The following SLC17A9 variants were observed in gnomAD, a reference collection of about 807,000 sequenced individuals.
The protein encoded by SLC17A9 is solute carrier family 17 member 9, also known as voltage-gated purine nucleotide uniporter SLC17A9.
SLC17A9 carries 49 observed loss-of-function variants against 55.0 expected under a neutral mutation model. The observed-to-expected ratio is 0.89, with a 90% CI of 0.71 to 1.13. The LOEUF (loss-of-function observed/expected upper bound fraction) is 1.13, where lower values mean the gene tolerates loss of function less well. Ranked by LOEUF, SLC17A9 falls within the 50% of genes most tolerant of loss-of-function variation. SLC17A9 has a pLI of 0.00. For synonymous variants in SLC17A9, 256 were observed against 247.4 expected, an observed-to-expected ratio of 1.03 and a Z score of -0.32; for missense variants, 526 against 569.3, an observed-to-expected ratio of 0.92 and a Z score of 0.77.
chr20:62,954,728 T>C (rs893127201), intron 1 of SLC17A9, among the ~76,000 whole-genome samples: 3 of 152,222 alleles, frequency 2.0e-5, no homozygotes, highest in Non-Finnish European at 4.4e-5. Flanking sequence ...CAGCACCACC[T>C]GCCCAGCTCA....
intron 1 of SLC17A9, chr20:62,953,275 A>G: frequency 6.5e-7 from 1 of 1,549,534 alleles, no homozygotes. Flanking sequence ...GAGGCCAGGT[A>G]GGGGGCACGG....
rs2065643197 is a variant in SLC17A9, at chr20:62,966,686, C to T, written c.1118-17C>T. ...TGCTGACCATCCATATTCTCTCTCG[C>T]TCTGGCCTCTTCACAGGTGTGGCCA... On this transcript the variant is annotated splice_polypyrimidine_tract_variant and intron_variant, in intron 11 of 12. Coordinates refer to ENST00000370351, the MANE Select transcript of SLC17A9 (RefSeq NM_022082.4). The T allele has an allele frequency of 6.2e-7, 1 of 1,613,918 alleles. No individual in the cohort carries two copies. Among genetic ancestry groups the T allele is most frequent in the Non-Finnish European group, 8.5e-7 (1 of 1,179,938 alleles).
At position 62,963,681 on chromosome 20, in the gene SLC17A9, G is replaced by C; in HGVS notation, c.822+1G>C. 5.0e-6 allele frequency: 8 copies of C among 1,584,750 alleles called. No homozygotes were observed. The highest frequency in any genetic ancestry group is 6.9e-6 in the Non-Finnish European group (8 of 1,165,470). ...CGAGGAGACCTTCCCCGACGCCAAG[G>C]TGAGTCGGGGGCTCCCGCAGGGTGA... On this transcript the variant is annotated splice_donor_variant, in intron 7 of 12. Coordinates refer to ENST00000370351, the MANE Select transcript of SLC17A9 (RefSeq NM_022082.4). LOFTEE classifies it high-confidence loss of function.
At chr20:62,953,055 T>C in intron 1 of SLC17A9, 166 bp downstream of exon 1, 1 of 1,177,250 alleles carries the variant, frequency 8.5e-7, no homozygotes, top group Non-Finnish European at 1.2e-6. Context: ...TGGAAGGAAG[T>C]GAGTGCCCTG....
intron 10 of SLC17A9, 60 bp downstream of exon 10, chr20:62,965,785 A>C (rs2065632888): frequency 6.7e-7 from 1 of 1,485,160 alleles, no homozygotes; most frequent in Admixed American, 1.7e-5. Context: ...CGAGGCCCGC[A>C]CATGTGAAGA....
intron 8 of SLC17A9, 25 bp downstream of exon 8, chr20:62,964,340 G>A: frequency 1.2e-6 from 2 of 1,612,100 alleles, no homozygotes; most frequent in Non-Finnish European, 1.7e-6. Context: ...GGGGACCGGG[G>A]CTGGAAGCCA....
intron 3 of SLC17A9, among the ~76,000 whole-genome samples, chr20:62,959,078 CG>C (rs1024861302): frequency 3.3e-5 from 5 of 152,036 alleles, no homozygotes; most frequent in African/African-American, 7.3e-5. Context: ...ACAGGCCTGG[CG>C]GGGGGTGGGG....
In SLC17A9 at chr20:62,969,284, A is replaced by G. The variant is rs1464492782; in HGVS notation, c.*1784A>G. On this transcript the variant is annotated 3_prime_UTR_variant, in exon 13 of 13. Coordinates refer to ENST00000370351, the MANE Select transcript of SLC17A9 (RefSeq NM_022082.4). ...TGCACGGTTCTGTGGCATTAGGTAC[A>G]TTCGCATTGTGCAGCCACCGCCACC... 1 of 152,200 alleles carries G rather than the reference A, an allele frequency of 6.6e-6. No individual in the cohort carries two copies. Among genetic ancestry groups the G allele is most frequent in the African/African-American group, 2.4e-5 (1 of 41,438 alleles). The allele number at this position is 152,200 out of a possible 1,614,324, so 9.4% of individuals were successfully genotyped here. A position where few individuals can be genotyped will look rare whatever the true frequency, so the allele number is the denominator to read the frequency against.
intron 4 of SLC17A9, among the ~76,000 whole-genome samples, chr20:62,961,579 G>T (rs1490025850): frequency 6.6e-6 from 1 of 152,198 alleles, no homozygotes; most frequent in East Asian, 1.9e-4. Context: ...CTGGGCTCAG[G>T]CCCTCGTGTT....
chr20:62,966,982 C>G (rs1247576868), intron 12 of SLC17A9: 4 of 588,758 alleles, frequency 6.8e-6, no homozygotes, highest in Admixed American at 6.7e-5. Context: ...CCTGGTAGCC[C>G]AGGGTCCCCG....
intron 1 of SLC17A9, 40 bp from the exon 2 acceptor site, chr20:62,956,725 G>A (rs779756270): frequency 3.8e-5 from 60 of 1,572,842 alleles, no homozygotes; most frequent in Non-Finnish European, 4.6e-5. Flanking sequence ...CAGCAGGGCC[G>A]TGGGGCCTCC....
At chr20:62,967,183 G>A in intron 12 of SLC17A9, 154 bp from the exon 13 acceptor site, 1 of 885,164 alleles carries the variant, frequency 1.1e-6, no homozygotes, top group Non-Finnish European at 1.8e-6. Context: ...CTGACCCACA[G>A]CTGGGACACT....
Position 62,967,552 on chromosome 20 carries a change from A to G in SLC17A9, c.*52A>G, listed in dbSNP as rs749623655. On this transcript the variant is annotated 3_prime_UTR_variant, in exon 13 of 13. Coordinates refer to ENST00000370351, the MANE Select transcript of SLC17A9 (RefSeq NM_022082.4). The stretch of plus-strand genomic sequence containing the variant: ...ACCCAGGCGCCAGCAGCCCCAGGAC[A>G]CAGGGGACTCAGTGTGTGGGACTTG... The G allele has an allele frequency of 1.9e-6, 3 of 1,579,420 alleles. No individual in the cohort carries two copies. Among genetic ancestry groups the G allele is most frequent in the African/African-American group, 1.4e-5 (1 of 73,892 alleles).
chr20:62,957,314 G>C, intron 2 of SLC17A9, 127 bp from the exon 3 acceptor site: 1 of 1,489,564 alleles, frequency 6.7e-7, no homozygotes, highest in East Asian at 2.3e-5. Flanking sequence ...GGGGTCATGA[G>C]CAGGCCCTGT....
chr20:62,966,095 G>A (rs1165692247), intron 10 of SLC17A9, among the ~76,000 whole-genome samples: 1 of 101,552 alleles, frequency 9.8e-6, no homozygotes, highest in African/African-American at 3.9e-5. Context: ...GTGGTGTGCA[G>A]GGCTGCAGTG....
Position 62,962,655 on chromosome 20 carries a change from C to T in SLC17A9, c.529C>T (p.Leu177Phe). ...GCTGACCGGGGCGGTGGGCTCCCTGCTCCTGGAATGGTACGGCTGGCAGAG... is the reference window on the plus strand; with the variant it reads ...GCTGACCGGGGCGGTGGGCTCCCTGTTCCTGGAATGGTACGGCTGGCAGAG... The part of the protein sequence containing the change: ...TLLTGAVGSL[L>F]LEWYGWQSIF... Residue 177 changes from leucine to phenylalanine, a missense_variant, in exon 5 of 13, where the codon CTC (leucine) becomes TTC (phenylalanine). By Grantham distance (22) the Leu-to-Phe change is conservative. Transcript: ENST00000370351. The surrounding 1 kb of genome is among the most constrained non-coding windows in gnomAD (Gnocchi z 5.5). 4 of 1,614,080 alleles carry T rather than the reference C, an allele frequency of 2.5e-6. No homozygotes were observed. The highest frequency in any genetic ancestry group is 3.4e-6 in the Non-Finnish European group (4 of 1,179,950).
At position 62,962,767 on chromosome 20, in the gene SLC17A9, G is replaced by C; in HGVS notation, c.628+13G>C. 1.2e-6 allele frequency: 2 copies of C among 1,613,010 alleles called. No individual in the cohort carries two copies. The highest frequency in any genetic ancestry group is 8.5e-7 in the Non-Finnish European group (1 of 1,179,414). On this transcript the variant is annotated intron_variant, in intron 5 of 12. Coordinates refer to ENST00000370351, the MANE Select transcript of SLC17A9 (RefSeq NM_022082.4). This position sits in a 1 kb window ranked among gnomAD's most constrained non-coding sequence, Gnocchi z 5.5. ...CTGAGTGAAAAAGGTAACGCAGGCC[G>C]GGCGGGCTAGTCCCGGGCGCCCACA... is the stretch of plus-strand genomic sequence containing the variant.
Position 62,965,680 on chromosome 20 carries a change from T to C in SLC17A9, c.1016T>C (p.Val339Ala), listed in dbSNP as rs1439894951. Residue 339 changes from valine to alanine, a missense_variant, in exon 10 of 13, where the codon GTG (valine) becomes GCG (alanine). Physicochemically the swap from Val to Ala is moderately conservative, Grantham distance 64. Coordinates refer to ENST00000370351, the MANE Select transcript of SLC17A9 (RefSeq NM_022082.4). Reference sequence around the variant, plus strand: ...CACACCTCCAGCTTCTGTGAGTCTGTGGTCTTTGCATCAGCCTCCATCGGC... The same window carrying C: ...CACACCTCCAGCTTCTGTGAGTCTGCGGTCTTTGCATCAGCCTCCATCGGC... ...LGHTSSFCESVVFASASIGLQ... is the reference protein window; with the variant it reads ...LGHTSSFCESAVFASASIGLQ... 1 of 1,613,970 alleles carries C rather than the reference T, an allele frequency of 6.2e-7. No individual in the cohort carries two copies. The highest frequency in any genetic ancestry group is 2.2e-5 in the East Asian group (1 of 44,886).
Position 62,952,764 on chromosome 20 carries a change from T to A in SLC17A9, c.-67T>A. The A allele has an allele frequency of 6.7e-7, 1 of 1,497,968 alleles. No homozygotes were observed. Among genetic ancestry groups the A allele is most frequent in the Non-Finnish European group, 8.9e-7 (1 of 1,120,066 alleles). The allele number at this position is 1,497,968 out of a possible 1,614,324, so 92.8% of individuals were successfully genotyped here. A position where few individuals can be genotyped will look rare whatever the true frequency, so the allele number is the denominator to read the frequency against. ...ACTTGGGCGGTGCTGCCCGGGTGGGTCAGCCTGGGCTGGGAGGCAGCCCCG... is the reference window on the plus strand; with the variant it reads ...ACTTGGGCGGTGCTGCCCGGGTGGGACAGCCTGGGCTGGGAGGCAGCCCCG... On this transcript the variant is annotated 5_prime_UTR_variant, in exon 1 of 13. Coordinates refer to ENST00000370351, the MANE Select transcript of SLC17A9 (RefSeq NM_022082.4).
Sources: gnomAD v4.1 joint callset for allele counts (sites outside exome capture counted in the v4.1 genomes callset) on GRCh38, gnomAD v4.1.1 for gene constraint, Gnocchi (gnomAD v3.1) non-coding constraint, MANE v1.5 for transcripts, NCBI Gene and HGNC (gene_info 2026-07-23, HGNC 2026-07-21) for gene names.